Variants in B4GALNT2 observed in about 807,000 individuals in gnomAD.
B4GALNT2 encodes the protein N-acetylneuraminylgalactosylglucosyl-glucoside beta-1,4-N- acetylgalactosaminyltransferase 2.
A neutral mutation model predicts 51.1 loss-of-function variants in B4GALNT2; 42 were observed. That is an observed-to-expected ratio of 0.82 (90% CI 0.64 to 1.06). B4GALNT2 has a LOEUF of 1.06. Ranked by LOEUF, B4GALNT2 falls within the 50% of genes least tolerant of loss-of-function variation. B4GALNT2 has a pLI of 0.00. For synonymous variants in B4GALNT2, 253 were observed against 251.7 expected (o/e 1.01, Z -0.05); for missense variants, 602 against 633.6 (o/e 0.95, Z 0.54).
At chr17:49,145,656 A>G (rs888525890) in intron 3 of B4GALNT2, among the ~76,000 whole-genome samples, 16 of 152,146 alleles carry the variant, frequency 1.1e-4, no homozygotes, top group Non-Finnish European at 1.9e-4. Flanking sequence ...GGTCATTTGT[A>G]GCCCTGCCTG....
intron 3 of B4GALNT2, among the ~76,000 whole-genome samples, chr17:49,145,002 A>G (rs2042679602): frequency 6.6e-6 from 1 of 152,122 alleles, no homozygotes; most frequent in South Asian, 2.1e-4. Context: ...TGTCTGCTTT[A>G]TATTCGATGG....
intron 4 of B4GALNT2, among the ~76,000 whole-genome samples, chr17:49,154,591 C>A (rs545408321): frequency 1.3e-5 from 2 of 151,846 alleles, no homozygotes; most frequent in African/African-American, 4.8e-5. Context: ...AGTAAGGTCT[C>A]GGTGTGGTGA....
chr17:49,169,419 A>G, intron 10 of B4GALNT2, 104 bp from the exon 11 acceptor site: 1 of 1,103,410 alleles, frequency 9.1e-7, no homozygotes, highest in African/African-American at 1.5e-5. Flanking sequence ...TCCCCAGTGT[A>G]TGAACTGTGT....
In B4GALNT2 at chr17:49,169,835, T is replaced by G; in HGVS notation, c.*107T>G. ...GTGAACGTTGTACCAAACCAGCTGG[T>G]GGGTAGGGAAAAGGGAAATGGCTCA... On this transcript the variant is annotated 3_prime_UTR_variant, in exon 11 of 11. Transcript: ENST00000393354. 8.9e-7 allele frequency: 1 copy of G among 1,125,940 alleles called. No homozygotes were observed. Among genetic ancestry groups the G allele is most frequent in the South Asian group, 1.9e-5 (1 of 52,292 alleles). 69.7% of individuals were successfully genotyped at this position (1,125,940 alleles called of 1,614,324 possible). A position where few individuals can be genotyped will look rare whatever the true frequency, so the allele number is the denominator to read the frequency against.
intron 7 of B4GALNT2, among the ~76,000 whole-genome samples, chr17:49,161,529 T>C (rs571648118): frequency 2.6e-5 from 4 of 151,894 alleles, no homozygotes; most frequent in Non-Finnish European, 4.4e-5. Flanking sequence ...ACCACTATAC[T>C]CCAGCCTGTG....
At chr17:49,160,517 T>A in intron 6 of B4GALNT2, 38 bp from the exon 7 acceptor site, 2 of 1,587,116 alleles carry the variant, frequency 1.3e-6, no homozygotes, top group Non-Finnish European at 8.7e-7. Context: ...AATCCAGACA[T>A]GATACTCCCT....
At position 49,175,262 on chromosome 17, in the gene B4GALNT2, A is replaced by G. The variant is rs569084614; in HGVS notation, c.*5534A>G. ...GTTTATCAGTAATTTGATTCACCCA[A>G]TAAGCTGCTTTGTCTTGTTTATTTG... On this transcript the variant is annotated 3_prime_UTR_variant, in exon 11 of 11. Transcript: ENST00000393354. The G allele has an allele frequency of 6.6e-6, 1 of 152,278 alleles. No homozygotes were observed. Among genetic ancestry groups the G allele is most frequent in the East Asian group, 1.9e-4 (1 of 5,178 alleles). The allele number at this position is 152,278 out of a possible 1,614,324, so 9.4% of individuals were successfully genotyped here. A position where few individuals can be genotyped will look rare whatever the true frequency, so the allele number is the denominator to read the frequency against.
rs781365092 is a variant in B4GALNT2 at position 49,168,692 on chromosome 17, T to C, written c.1107T>C (p.Ser369=). 9.9e-6 allele frequency: 16 copies of C among 1,613,588 alleles called. No individual in the cohort carries two copies. The highest frequency in any genetic ancestry group is 2.2e-5 in the South Asian group (2 of 90,892). ...TGCCTGCTGGCTAGGTAGGCGGCAG[T>C]GTGCTGGGAAATGTGTTCCAGTTTA... ...EKTELDVVGG[S]VLGNVFQFKL... is the part of the protein sequence containing the mutation. Residue 369 remains serine, a synonymous_variant, in exon 10 of 11, where the codon AGT becomes AGC. Coordinates refer to ENST00000393354, the MANE Select transcript of B4GALNT2 (RefSeq NM_001159387.2).
At chr17:49,125,123 T>C in the B4GALNT2 span, among the ~76,000 whole-genome samples, 1 of 152,172 alleles carries the variant, frequency 6.6e-6, no homozygotes, top group Non-Finnish European at 1.5e-5. Context: ...TTTAGCAACC[T>C]TTACTTTTGT....
In B4GALNT2 at chr17:49,170,318, C is replaced by T. The variant is rs1533922; in HGVS notation, c.*590C>T. 0.11 allele frequency: 17,396 copies of T among 152,580 alleles called. 1,180 individuals carry two copies. The highest frequency in any genetic ancestry group is 0.19 in the South Asian group (891 of 4,816). 9.5% of individuals were successfully genotyped at this position (152,580 alleles called of 1,614,324 possible). ...GGTCCCAGGTGGTGGAGGAAGACTC[C>T]GTGGAGTGAACTTGTTAGGAGCCTG... On this transcript the variant is annotated 3_prime_UTR_variant, in exon 11 of 11. Transcript: ENST00000393354.
chr17:49,141,293 C>A lies in B4GALNT2; in HGVS notation c.61C>A (p.Leu21Ile), dbSNP rs2042641245. The A allele has an allele frequency of 6.2e-7, 1 of 1,613,964 alleles. No homozygotes were observed. The change falls in exon 2 of 11, where the codon CTT becomes ATT. Residue 21 changes from leucine (L) to isoleucine (I), a missense_variant. By Grantham distance (5) the Leu-to-Ile change is conservative (BLOSUM62 2). Transcript: ENST00000393354. ...CAAGATATTGGTCATAATCCTGGTA[C>A]TTGGCATTGTTGGATTTATGTTCGG... ...LLKILVIILV[L>I]GIVGFMFGSM... is the part of the protein sequence containing the mutation.
At chr17:49,167,979 T>A (rs546229759) in intron 9 of B4GALNT2, among the ~76,000 whole-genome samples, 6 of 152,304 alleles carry the variant, frequency 3.9e-5, no homozygotes, top group African/African-American at 1.4e-4. Context: ...ACCGTATGCC[T>A]GCATGTACCC....
chr17:49,140,295 T>A (rs2042630381), intron 1 of B4GALNT2, among the ~76,000 whole-genome samples: 2 of 151,914 alleles, frequency 1.3e-5, no homozygotes, highest in African/African-American at 4.8e-5. Flanking sequence ...AGAGATGGGG[T>A]TTCACCATGT....
At chr17:49,159,464 C>T (rs113336088) in intron 6 of B4GALNT2, among the ~76,000 whole-genome samples, 2 of 152,262 alleles carry the variant, frequency 1.3e-5, no homozygotes, top group African/African-American at 4.8e-5. Flanking sequence ...GCCTCAACCT[C>T]CCAAGTAGCT....
chr17:49,155,601 CA>C (rs201121543), intron 4 of B4GALNT2, among the ~76,000 whole-genome samples: 20 of 140,124 alleles, frequency 1.4e-4, no homozygotes, highest in East Asian at 6.1e-4. Flanking sequence ...GACCCCATCT[CA>C]AAAAAAAATG....
intron 1 of B4GALNT2, among the ~76,000 whole-genome samples, chr17:49,138,059 A>G (rs147097698): frequency 0.013 from 2,044 of 152,320 alleles, 20 homozygotes; most frequent in Non-Finnish European, 0.022. Context: ...AAACCATGTA[A>G]GGTCTAGAGT....
chr17:49,127,640 A>ATT (rs1449497298), upstream of B4GALNT2, among the ~76,000 whole-genome samples: 27 of 151,584 alleles, frequency 1.8e-4, no homozygotes, highest in Non-Finnish European at 3.8e-4. Context: ...TAAGATTTAA[A>ATT]AAAAAAAATT....
Position 49,160,612 on chromosome 17 carries a change from T to C in B4GALNT2, c.737T>C (p.Val246Ala), listed in dbSNP as rs2042854806. The C allele has an allele frequency of 1.2e-6, 2 of 1,614,166 alleles. No homozygotes were observed. The highest frequency in any genetic ancestry group is 2.2e-5 in the East Asian group (1 of 44,878). The change falls in exon 7 of 11, where the codon GTC becomes GCC. Residue 246 changes from valine to alanine, a missense_variant. Physicochemically the swap from Val to Ala is moderately conservative, Grantham distance 64. Transcript: ENST00000393354. ...AKFPVTIRHP[V>A]IPKLYDPGPE... ...TTTCCAGTGACCATCCGCCATCCTG[T>C]CATACCCAAGCTATACGACCCTGGA...
At chr17:49,144,767 CAG>C (rs993592342) in intron 3 of B4GALNT2, among the ~76,000 whole-genome samples, 9 of 152,042 alleles carry the variant, frequency 5.9e-5, no homozygotes, top group African/African-American at 9.7e-5. Flanking sequence ...ACAGAACTAA[CAG>C]GGGGGAGAGA....
Sources: gnomAD v4.1 joint callset for allele counts (sites outside exome capture counted in the v4.1 genomes callset) on GRCh38, gnomAD v4.1.1 for gene constraint, MANE v1.5 for transcripts, NCBI Gene and HGNC (gene_info 2026-07-23, HGNC 2026-07-21) for gene names.